The following ATP2C1 variants were observed in gnomAD, a reference collection of about 807,000 sequenced individuals.
ATP2C1 encodes the protein ATPase secretory pathway Ca2+ transporting 1.
A neutral mutation model predicts 120.5 loss-of-function variants in ATP2C1; 31 were observed. The ratio of observed to expected loss-of-function variants is 0.26; its 90% CI spans 0.19 to 0.35. The LOEUF is 0.35. ATP2C1 is among the 10% of genes least tolerant of loss of function. The pLI, the probability that ATP2C1 is intolerant of heterozygous loss-of-function variation, is 1.00. For missense variants in ATP2C1, 731 were observed against 1,107.5 expected (o/e 0.66, Z 4.83); for synonymous variants, 351 against 358.7 (o/e 0.98, Z 0.24).
chr3:131,006,574 T>G (rs145326405), downstream of ATP2C1, among the ~76,000 whole-genome samples: 825 of 152,182 alleles, frequency 5.4e-3, 12 homozygotes, highest in African/African-American at 0.019. Flanking sequence ...AGCTTTTACC[T>G]CTACTTCAGA....
chr3:131,007,749 G>T (rs1010876400), downstream of ATP2C1, among the ~76,000 whole-genome samples: 1 of 152,104 alleles, frequency 6.6e-6, no homozygotes, highest in Non-Finnish European at 1.5e-5. Flanking sequence ...CCATCTTAGG[G>T]TCATAAATAA....
intron 2 of ATP2C1, chr3:130,919,072 GC>G: frequency 4.1e-6 from 2 of 483,948 alleles, no homozygotes; most frequent in South Asian, 1.6e-5. Context: ...GTGGTGCACG[GC>G]CCTCCCGCAG....
At chr3:130,923,555 A>G (rs115069604) in intron 2 of ATP2C1, among the ~76,000 whole-genome samples, 4,099 of 151,262 alleles carry the variant, frequency 0.027, 192 homozygotes, top group African/African-American at 0.094. Context: ...TTTGAAGTCT[A>G]GTTTGTCTGA....
At chr3:130,895,974 A>G (rs1347057124) in intron 2 of ATP2C1, among the ~76,000 whole-genome samples, 2 of 152,216 alleles carry the variant, frequency 1.3e-5, no homozygotes, top group Non-Finnish European at 2.9e-5. Flanking sequence ...ATTTGAAAGC[A>G]GTGATGTTTT....
intron 1 of ATP2C1, among the ~76,000 whole-genome samples, chr3:130,884,834 G>A (rs1351697636): frequency 2.0e-5 from 3 of 149,612 alleles, no homozygotes; most frequent in Non-Finnish European, 4.5e-5. Context: ...GCTCTTTTTT[G>A]GCTTCCATTG....
At chr3:130,858,067 G>A (rs2067900069) in intron 1 of ATP2C1, among the ~76,000 whole-genome samples, 1 of 152,152 alleles carries the variant, frequency 6.6e-6, no homozygotes, top group African/African-American at 2.4e-5. Flanking sequence ...GGAGAAAGAT[G>A]AAGGCCGGAA....
chr3:130,894,349 T>C lies in ATP2C1; in HGVS notation c.-181+12T>C. ...GTCCGGGGCTTTGGGTGGGTACCAG[T>C]ATTACCTCCTGCCCCCATTTCTAGA... On this transcript the variant is annotated intron_variant, in intron 1 of 27. Coordinates refer to ENST00000510168, the MANE Select transcript of ATP2C1 (RefSeq NM_001378687.1). This position sits in a 1 kb window ranked among gnomAD's most constrained non-coding sequence, Gnocchi z 4.5. 9.4e-7 allele frequency: 1 copy of C among 1,062,782 alleles called. No individual in the cohort carries two copies. Among genetic ancestry groups the C allele is most frequent in the Non-Finnish European group, 1.1e-6 (1 of 873,594 alleles). 65.8% of individuals were successfully genotyped at this position (1,062,782 alleles called of 1,614,324 possible). A position where few individuals can be genotyped will look rare whatever the true frequency, so the allele number is the denominator to read the frequency against.
At chr3:130,903,139 C>A (rs764321065) in intron 2 of ATP2C1, among the ~76,000 whole-genome samples, 1 of 151,932 alleles carries the variant, frequency 6.6e-6, no homozygotes, top group Non-Finnish European at 1.5e-5. Flanking sequence ...TACTAATGTA[C>A]GTTTTATTAA....
intron 8 of ATP2C1, among the ~76,000 whole-genome samples, chr3:130,951,029 A>G (rs1356194741): frequency 2.0e-5 from 3 of 152,182 alleles, no homozygotes; most frequent in African/African-American, 7.2e-5. Context: ...ATTTTTAAAT[A>G]TTAGTGGGTC....
At chr3:130,982,516 G>A (rs933815469) in intron 20 of ATP2C1, among the ~76,000 whole-genome samples, 2 of 152,168 alleles carry the variant, frequency 1.3e-5, no homozygotes, top group African/African-American at 4.8e-5. Flanking sequence ...AGTCTTCCCA[G>A]TTGCTGACAG....
At chr3:130,863,474 T>C (rs2068078584) in intron 1 of ATP2C1, among the ~76,000 whole-genome samples, 1 of 152,174 alleles carries the variant, frequency 6.6e-6, no homozygotes. Context: ...TTATTGCTGT[T>C]TAAGATCACA....
Position 131,002,662 on chromosome 3 carries a change from T to A in ATP2C1, c.*1312T>A. 1 of 985,392 alleles carries A rather than the reference T, an allele frequency of 1.0e-6. No individual in the cohort carries two copies. The highest frequency in any genetic ancestry group is 1.2e-6 in the Non-Finnish European group (1 of 829,892). The allele number at this position is 985,392 out of a possible 1,614,324, so 61.0% of individuals were successfully genotyped here. On this transcript the variant is annotated 3_prime_UTR_variant, in exon 28 of 28. Transcript: ENST00000510168. ...TGTTGAGTATATAAACAAAAATTGG[T>A]CCCAATTCTAACAGGTTTAATCCTT...
In ATP2C1 at chr3:130,921,079, C is replaced by CTTT. The variant is rs1170193033; in HGVS notation, c.7-9319_7-9317dup. Reference sequence around the variant, plus strand: ...AAATGGAATCTTGCGAGTTTTCTTTCTTTTTTTTTTTTTTTTTTTTGAGAC... The same window carrying CTTT: ...AAATGGAATCTTGCGAGTTTTCTTTCTTTTTTTTTTTTTTTTTTTTTTTGAGAC... On this transcript the variant is annotated intron_variant, in intron 2 of 27. Coordinates refer to ENST00000510168, the MANE Select transcript of ATP2C1 (RefSeq NM_001378687.1). Among the ~76,000 whole-genome samples, 60 of 128,566 alleles carry CTTT rather than the reference C, an allele frequency of 4.7e-4. 1 individual carries two copies. Among genetic ancestry groups the CTTT allele is most frequent in the African/African-American group, 9.9e-4 (33 of 33,270 alleles). 84.3% of individuals were successfully genotyped at this position (128,566 alleles called of 152,430 possible). A position where few individuals can be genotyped will look rare whatever the true frequency, so the allele number is the denominator to read the frequency against.
chr3:130,976,984 C>T (rs1167669692), intron 18 of ATP2C1, among the ~76,000 whole-genome samples: 5 of 152,330 alleles, frequency 3.3e-5, no homozygotes, highest in East Asian at 1.9e-4. Context: ...GATACTCTGG[C>T]TCAGGGTAAC....
chr3:130,884,922 T>TTTTC (rs1236903073), intron 1 of ATP2C1, among the ~76,000 whole-genome samples: 4 of 146,126 alleles, frequency 2.7e-5, no homozygotes, highest in South Asian at 2.2e-4. Context: ...CTTTTCTTTC[T>TTTTC]TTTCTTTCTT....
At chr3:130,891,055 C>A (rs862367), upstream of ATP2C1, among the ~76,000 whole-genome samples, 1 of 151,818 alleles carries the variant, frequency 6.6e-6, no homozygotes, top group African/African-American at 2.4e-5. Context: ...CCAGCCTCAG[C>A]GACAGAGACT....
At chr3:130,895,667 T>C (rs536373322) in intron 2 of ATP2C1, among the ~76,000 whole-genome samples, 2 of 152,332 alleles carry the variant, frequency 1.3e-5, no homozygotes, top group East Asian at 3.9e-4. Context: ...TTAAAAAATA[T>C]GTGTCTGGTA....
intron 17 of ATP2C1, among the ~76,000 whole-genome samples, chr3:130,973,145 A>G (rs1559995722): frequency 6.6e-6 from 1 of 152,206 alleles, no homozygotes. Context: ...AATAGGTAAT[A>G]GGAAGAAAGA....
In ATP2C1 at chr3:131,001,445, T is replaced by G. The variant is rs1419604558; in HGVS notation, c.*95T>G. ...AGAGGATATGAAGATTTGAGAACTTTTTAACTATTCATTGACTAAAAATGA... is the reference window on the plus strand; with the variant it reads ...AGAGGATATGAAGATTTGAGAACTTGTTAACTATTCATTGACTAAAAATGA... On this transcript the variant is annotated 3_prime_UTR_variant, in exon 28 of 28. Transcript: ENST00000510168. 6.6e-7 allele frequency: 1 copy of G among 1,505,132 alleles called. No homozygotes were observed. The highest frequency in any genetic ancestry group is 8.9e-7 in the Non-Finnish European group (1 of 1,128,550). 93.2% of individuals were successfully genotyped at this position (1,505,132 alleles called of 1,614,324 possible).
Sources: gnomAD v4.1 joint callset for allele counts (sites outside exome capture counted in the v4.1 genomes callset) on GRCh38, gnomAD v4.1.1 for gene constraint, Gnocchi (gnomAD v3.1) non-coding constraint, MANE v1.5 for transcripts, NCBI Gene and HGNC (gene_info 2026-07-23, HGNC 2026-07-21) for gene names.